The following AGBL4 variants were observed in gnomAD, a reference collection of about 807,000 sequenced individuals.
AGBL4 encodes AGBL carboxypeptidase 4.
A neutral mutation model predicts 66.4 loss-of-function variants in AGBL4; 58 were observed. The observed-to-expected ratio is 0.87, with a 90% CI of 0.71 to 1.09. The LOEUF is 1.09. Ranked by LOEUF, AGBL4 falls within the 50% of genes least tolerant of loss-of-function variation. AGBL4 has a pLI of 0.00. For missense variants in AGBL4, 579 were observed against 631.0 expected (o/e 0.92, Z 0.88); for synonymous variants, 234 against 222.9 (o/e 1.05, Z -0.44).
chr1:49,165,696 A>G (rs1214472671), intron 4 of AGBL4, among the ~76,000 whole-genome samples: 1 of 151,768 alleles, frequency 6.6e-6, no homozygotes, highest in African/African-American at 2.4e-5. Context: ...GGAGGAAAGG[A>G]GGGAGGATGG....
intron 4 of AGBL4, among the ~76,000 whole-genome samples, chr1:49,074,814 T>A (rs1030844120): frequency 1.3e-5 from 2 of 152,152 alleles, no homozygotes; most frequent in Non-Finnish European, 2.9e-5. Flanking sequence ...TCTACAAGCA[T>A]ATGATTCCAA....
In AGBL4 at chr1:49,379,335, C is replaced by G. The variant is rs549795813; in HGVS notation, c.283-133471G>C. On this transcript the variant is annotated intron_variant, in intron 3 of 13. Transcript: ENST00000371839. Reference sequence around the variant, plus strand: ...TCTTACCTCACCAATTAGATAGATGCTTTCTTAATAGCAGAGTTTATGTCT... The same window carrying G: ...TCTTACCTCACCAATTAGATAGATGGTTTCTTAATAGCAGAGTTTATGTCT... 1.1e-3 allele frequency among the ~76,000 whole-genome samples: 170 copies of G among 152,232 alleles called. 1 individual carries two copies. The highest frequency in any genetic ancestry group is 1.5e-3 in the Non-Finnish European group (99 of 68,000).
intron 9 of AGBL4, among the ~76,000 whole-genome samples, chr1:48,596,721 A>G (rs1016416578): frequency 1.3e-5 from 2 of 152,188 alleles, no homozygotes; most frequent in African/African-American, 4.8e-5. Flanking sequence ...CTGGGTTTAT[A>G]GGTGTAAGTC....
intron 5 of AGBL4, among the ~76,000 whole-genome samples, chr1:48,920,351 T>C (rs1402867857): frequency 6.6e-6 from 1 of 152,206 alleles, no homozygotes; most frequent in African/African-American, 2.4e-5. Context: ...TTTGCTACAA[T>C]TCTAGAAAGA....
intron 3 of AGBL4, among the ~76,000 whole-genome samples, chr1:49,421,690 TTCTC>T (rs1178171083): frequency 6.6e-6 from 1 of 152,142 alleles, no homozygotes; most frequent in Non-Finnish European, 1.5e-5. Flanking sequence ...TTTAAATGTA[TTCTC>T]TCTTTTAATT....
chr1:48,534,764 G>T, intron 13 of AGBL4, 126 bp downstream of exon 13: 2 of 1,051,956 alleles, frequency 1.9e-6, no homozygotes, highest in Non-Finnish European at 2.8e-6. Flanking sequence ...CTCACTGCCT[G>T]AAAATCCACA....
chr1:48,768,367 C>A (rs1557971040), intron 6 of AGBL4, among the ~76,000 whole-genome samples: 1 of 152,098 alleles, frequency 6.6e-6, no homozygotes, highest in Non-Finnish European at 1.5e-5. Flanking sequence ...CAAATAGGGT[C>A]TCTACTCAAA....
intron 3 of AGBL4, among the ~76,000 whole-genome samples, chr1:49,494,674 C>G (rs911382879): frequency 6.6e-6 from 1 of 152,034 alleles, no homozygotes; most frequent in South Asian, 2.1e-4. Flanking sequence ...CAGTCTAATA[C>G]TGTTAGACAT....
At chr1:49,103,449 A>G (rs1240814739) in intron 4 of AGBL4, among the ~76,000 whole-genome samples, 1 of 152,180 alleles carries the variant, frequency 6.6e-6, no homozygotes, top group Non-Finnish European at 1.5e-5. Context: ...AAAGCTGTCA[A>G]AGACCTAAGA....
At chr1:49,949,616 C>T (rs1655887120) in intron 1 of AGBL4, among the ~76,000 whole-genome samples, 1 of 151,800 alleles carries the variant, frequency 6.6e-6, no homozygotes, top group South Asian at 2.1e-4. Flanking sequence ...TGCTTAACAT[C>T]ACTAATGATC....
chr1:49,676,795 G>T (rs994124856), intron 3 of AGBL4, among the ~76,000 whole-genome samples: 5 of 151,974 alleles, frequency 3.3e-5, no homozygotes, highest in Admixed American at 6.6e-5. Flanking sequence ...ATAGAGGGGC[G>T]ATATAAATGT....
intron 3 of AGBL4, among the ~76,000 whole-genome samples, chr1:49,413,394 A>G (rs1279279195): frequency 2.6e-5 from 4 of 152,238 alleles, no homozygotes; most frequent in African/African-American, 4.8e-5. Flanking sequence ...CATTAAACAA[A>G]TAATCATACA....
intron 3 of AGBL4, among the ~76,000 whole-genome samples, chr1:49,368,605 C>T (rs1004588487): frequency 1.3e-5 from 2 of 152,136 alleles, no homozygotes; most frequent in Non-Finnish European, 2.9e-5. Flanking sequence ...CAAGCCCAGG[C>T]ACTGTGGCTT....
chr1:49,031,319 T>C (rs1664210674), intron 5 of AGBL4, among the ~76,000 whole-genome samples: 1 of 150,942 alleles, frequency 6.6e-6, no homozygotes. Flanking sequence ...CCAAGAAGGG[T>C]AGATTTTAAA....
At chr1:48,824,595 T>G (rs957650767) in intron 6 of AGBL4, among the ~76,000 whole-genome samples, 3 of 151,658 alleles carry the variant, frequency 2.0e-5, no homozygotes, top group Admixed American at 6.6e-5. Context: ...TCAGTGGGAG[T>G]TGGGGGAGGA....
Position 49,587,386 on chromosome 1 carries a change from C to T in AGBL4, c.282+109927G>A, listed in dbSNP as rs935428786. On this transcript the variant is annotated intron_variant, in intron 3 of 13. Transcript: ENST00000371839. Reference sequence around the variant, plus strand: ...ACCTAGCCCACCTAGTCCAGGGGCCCCTCCTCTGTGTTCCCATAGCTCATG... The same window carrying T: ...ACCTAGCCCACCTAGTCCAGGGGCCTCTCCTCTGTGTTCCCATAGCTCATG... Among the ~76,000 whole-genome samples the T allele has an allele frequency of 9.9e-5, 15 of 152,124 alleles. No individual in the cohort carries two copies. In the East Asian group the frequency reaches 1.4e-3, roughly 14 times the overall value.
intron 2 of AGBL4, among the ~76,000 whole-genome samples, chr1:49,719,238 T>G (rs888701353): frequency 6.6e-5 from 10 of 152,172 alleles, no homozygotes; most frequent in Admixed American, 6.6e-4. Context: ...CATATGACTT[T>G]CCCATCCTAC....
chr1:48,855,225 A>G (rs756614009), intron 6 of AGBL4, among the ~76,000 whole-genome samples: 3 of 152,174 alleles, frequency 2.0e-5, no homozygotes, highest in Non-Finnish European at 4.4e-5. Flanking sequence ...CTACCTTCCC[A>G]GAACTCAGTC....
rs112579012 is a variant in AGBL4, at chr1:48,962,865, G to C, written c.594+82719C>G. ...AGTTAAGCATCCTGGGTTGAGTCTTGATTCTGTTACTCTTTTCTCTTGTAA... is the reference window on the plus strand; with the variant it reads ...AGTTAAGCATCCTGGGTTGAGTCTTCATTCTGTTACTCTTTTCTCTTGTAA... On this transcript the variant is annotated intron_variant, in intron 5 of 13. Coordinates refer to ENST00000371839, the MANE Select transcript of AGBL4 (RefSeq NM_032785.4). Among the ~76,000 whole-genome samples the C allele has an allele frequency of 2.8e-4, 43 of 152,114 alleles. 1 individual carries two copies. Among genetic ancestry groups the C allele is most frequent in the African/African-American group, 9.9e-4 (41 of 41,420 alleles).
Sources: allele counts gnomAD v4.1 joint callset (sites outside exome capture counted in the v4.1 genomes callset), GRCh38; gene constraint gnomAD v4.1.1; transcripts MANE v1.5; gene names NCBI Gene and HGNC (gene_info 2026-07-23, HGNC 2026-07-21).